BFAR: variants seen among roughly 807,000 people sequenced by gnomAD.
BFAR encodes bifunctional apoptosis regulator.
A neutral mutation model predicts 54.4 loss-of-function variants in BFAR; 52 were observed. The observed-to-expected ratio is 0.96, with a 90% CI of 0.77 to 1.21. The LOEUF is 1.21. Among genes scored for constraint, BFAR ranks in the 50% most tolerant of loss-of-function variants. The probability of loss-of-function intolerance (pLI) is 0.00; values close to 1 mark genes in which losing one functional copy is unlikely to be tolerated. For missense variants in BFAR, 571 were observed against 534.0 expected (o/e 1.07, Z -0.68); for synonymous variants, 215 against 204.3 (o/e 1.05, Z -0.45).
intron 1 of BFAR, among the ~76,000 whole-genome samples, chr16:14,637,033 A>G (rs532359465): frequency 6.6e-6 from 1 of 152,306 alleles, no homozygotes; most frequent in South Asian, 2.1e-4. Context: ...GTACAGAACA[A>G]AATGGAGTCT....
At chr16:14,643,309 C>CA (rs1265911361) in intron 1 of BFAR, among the ~76,000 whole-genome samples, 1,450 of 116,190 alleles carry the variant, frequency 0.012, 15 homozygotes, top group Non-Finnish European at 0.016. Flanking sequence ...GACTTCGTCT[C>CA]AAAAAAAAAA....
At chr16:14,662,875 G>A (rs922699994) in intron 6 of BFAR, among the ~76,000 whole-genome samples, 10 of 152,126 alleles carry the variant, frequency 6.6e-5, no homozygotes, top group Admixed American at 2.6e-4. Context: ...CGAGCTCCCC[G>A]AGTGAGCAAT....
In BFAR at chr16:14,667,986, A is replaced by G; in HGVS notation, c.*159A>G. ...GCTCCAACCATGTCCTCTCCCCCTCAGCCTGTGGGTGGCACGAGCAAGGAC... is the reference window on the plus strand; with the variant it reads ...GCTCCAACCATGTCCTCTCCCCCTCGGCCTGTGGGTGGCACGAGCAAGGAC... On this transcript the variant is annotated 3_prime_UTR_variant, in exon 8 of 8. Coordinates refer to ENST00000261658, the MANE Select transcript of BFAR (RefSeq NM_016561.3). 1.3e-6 allele frequency: 1 copy of G among 741,100 alleles called. No homozygotes were observed. Among genetic ancestry groups the G allele is most frequent in the East Asian group, 2.7e-5 (1 of 37,466 alleles). 45.9% of individuals were successfully genotyped at this position (741,100 alleles called of 1,614,324 possible).
At chr16:14,666,047 T>C (rs1028913969) in intron 7 of BFAR, among the ~76,000 whole-genome samples, 6 of 152,180 alleles carry the variant, frequency 3.9e-5, no homozygotes, top group Non-Finnish European at 8.8e-5. Context: ...GCATCTCTCT[T>C]CATGTGGGGG....
intron 7 of BFAR, among the ~76,000 whole-genome samples, chr16:14,665,563 A>T (rs932091667): frequency 6.6e-6 from 1 of 152,114 alleles, no homozygotes; most frequent in African/African-American, 2.4e-5. Context: ...GGATCCCCAG[A>T]CTCAGGGCTT....
chr16:14,646,861 A>G (rs1283703129), intron 2 of BFAR, among the ~76,000 whole-genome samples: 1 of 152,166 alleles, frequency 6.6e-6, no homozygotes, highest in Admixed American at 6.6e-5. Flanking sequence ...TTATTTTCCC[A>G]TCTTAGAATC....
At chr16:14,644,093 G>T (rs558857995) in intron 1 of BFAR, among the ~76,000 whole-genome samples, 181 bp from the exon 2 acceptor site, 3 of 151,332 alleles carry the variant, frequency 2.0e-5, no homozygotes, top group South Asian at 4.2e-4. Context: ...AACCTGGGAG[G>T]TGGAGGTTGC....
chr16:14,653,327 A>C (rs1960028024), intron 4 of BFAR, among the ~76,000 whole-genome samples: 2 of 151,582 alleles, frequency 1.3e-5, no homozygotes, highest in South Asian at 4.2e-4. Context: ...TGTTTTTTTT[A>C]ATTTAATTTT....
At chr16:14,664,588 A>C (rs1039165583) in intron 6 of BFAR, among the ~76,000 whole-genome samples, 2 of 151,888 alleles carry the variant, frequency 1.3e-5, no homozygotes, top group Admixed American at 6.6e-5. Flanking sequence ...CAACCTGCAC[A>C]TCCCGGGTTC....
At chr16:14,638,622 T>C (rs1244381400) in intron 1 of BFAR, among the ~76,000 whole-genome samples, 1 of 152,222 alleles carries the variant, frequency 6.6e-6, no homozygotes, top group East Asian at 1.9e-4. Flanking sequence ...TAACAATCAT[T>C]ACATCACAAG....
At chr16:14,635,655 G>C (rs1208722538) in intron 1 of BFAR, among the ~76,000 whole-genome samples, 2 of 152,068 alleles carry the variant, frequency 1.3e-5, no homozygotes, top group Non-Finnish European at 1.5e-5. Context: ...AGAGGAGCTA[G>C]TCACCTTTGC....
chr16:14,657,223 G>A (rs1372593872), intron 5 of BFAR, among the ~76,000 whole-genome samples: 1 of 151,966 alleles, frequency 6.6e-6, no homozygotes, highest in African/African-American at 2.4e-5. Context: ...GTTATTTTTT[G>A]TGTTATTTGG....
In BFAR at chr16:14,644,318, T is replaced by A; in HGVS notation, c.-29T>A. On this transcript the variant is annotated 5_prime_UTR_variant, in exon 2 of 8. It removes an upstream start codon present in the reference 5' UTR. Coordinates refer to ENST00000261658, the MANE Select transcript of BFAR (RefSeq NM_016561.3). ...AGTTTTCTACGTCTGAAATTTTTTA[T>A]GTCTCTGGAACCCAGAATTTGCTAA... 1.9e-6 allele frequency: 3 copies of A among 1,587,418 alleles called. No homozygotes were observed. The highest frequency in any genetic ancestry group is 2.6e-6 in the Non-Finnish European group (3 of 1,164,798).
chr16:14,640,180 G>A (rs905253822), intron 1 of BFAR, among the ~76,000 whole-genome samples: 1 of 151,758 alleles, frequency 6.6e-6, no homozygotes, highest in Non-Finnish European at 1.5e-5. Flanking sequence ...AAGAGAGAGA[G>A]AGAGGAAAGC....
At chr16:14,650,111 C>T (rs539124155) in intron 4 of BFAR, 138 bp downstream of exon 4, 1 of 792,616 alleles carries the variant, frequency 1.3e-6, no homozygotes, top group South Asian at 2.8e-5. Context: ...CATTTGAGGT[C>T]AGGAGTTCCA....
intron 6 of BFAR, among the ~76,000 whole-genome samples, chr16:14,664,426 T>C (rs554090155): frequency 1.4e-5 from 2 of 148,118 alleles, no homozygotes; most frequent in Non-Finnish European, 3.0e-5. Flanking sequence ...ACAAGATGAG[T>C]TGATGGATGG....
At chr16:14,651,781 A>C (rs547574607) in intron 4 of BFAR, among the ~76,000 whole-genome samples, 1 of 151,876 alleles carries the variant, frequency 6.6e-6, no homozygotes, top group Admixed American at 6.6e-5. Flanking sequence ...CACCCTCCTC[A>C]TGGAAGATTC....
At chr16:14,651,457 G>A (rs1293365517) in intron 4 of BFAR, among the ~76,000 whole-genome samples, 2 of 152,158 alleles carry the variant, frequency 1.3e-5, no homozygotes, top group African/African-American at 4.8e-5. Flanking sequence ...GAAGCTCACT[G>A]AATCCTGTCC....
chr16:14,650,268 T>G, intron 4 of BFAR: 1 of 244,334 alleles, frequency 4.1e-6, no homozygotes, highest in Non-Finnish European at 7.8e-6. Flanking sequence ...AGGTGGAGGT[T>G]ACAATGAGCC....
Sources: allele counts gnomAD v4.1 joint callset (sites outside exome capture counted in the v4.1 genomes callset), GRCh38; gene constraint gnomAD v4.1.1; transcripts MANE v1.5; gene names NCBI Gene and HGNC (gene_info 2026-07-23, HGNC 2026-07-21).